FAM193A: variants seen among roughly 807,000 people sequenced by gnomAD.
The protein encoded by FAM193A is family with sequence similarity 193 member A.
Under a neutral mutation model 126.5 loss-of-function variants are expected in FAM193A, and 22 were observed. The ratio of observed to expected loss-of-function variants is 0.17; its 90% CI spans 0.12 to 0.25. The LOEUF (loss-of-function observed/expected upper bound fraction) is 0.25, where lower values mean the gene tolerates loss of function less well. Ranked by LOEUF, FAM193A falls within the 10% of genes least tolerant of loss-of-function variation. The pLI is 1.00. For missense variants in FAM193A, 1,675 were observed against 1,672.8 expected (o/e 1.00, Z -0.02); for synonymous variants, 761 against 646.8 (o/e 1.18, Z -2.68).
chr4:2,625,719 CTTTT>C (rs35220520), intron 3 of FAM193A, among the ~76,000 whole-genome samples: 1 of 79,302 alleles, frequency 1.3e-5, no homozygotes, highest in Non-Finnish European at 2.2e-5. Flanking sequence ...TGGAGCTCAT[CTTTT>C]TTTTTTTTTT....
At chr4:2,619,271 A>T (rs1361201761) in intron 2 of FAM193A, among the ~76,000 whole-genome samples, 2 of 151,778 alleles carry the variant, frequency 1.3e-5, no homozygotes, top group African/African-American at 4.8e-5. Context: ...CAGTTGTATC[A>T]TCTCTATTTT....
intron 2 of FAM193A, among the ~76,000 whole-genome samples, chr4:2,611,753 A>G (rs1741887813): frequency 6.6e-6 from 1 of 152,158 alleles, no homozygotes; most frequent in African/African-American, 2.4e-5. Flanking sequence ...GGCTTCACAA[A>G]CATTTTCTCT....
At chr4:2,654,904 A>C in intron 7 of FAM193A, 1 of 470,954 alleles carries the variant, frequency 2.1e-6, no homozygotes, top group Non-Finnish European at 3.8e-6. Flanking sequence ...ATGCCCTGTG[A>C]CCAGTCATCT....
intron 13 of FAM193A, among the ~76,000 whole-genome samples, chr4:2,687,890 G>A (rs1715919510): frequency 6.6e-6 from 1 of 152,278 alleles, no homozygotes; most frequent in East Asian, 1.9e-4. Context: ...GTGTAGCACT[G>A]TCATCCCTGT....
At position 2,731,873 on chromosome 4, in the gene FAM193A, G is replaced by A. The variant is rs1721433304; in HGVS notation, c.*5G>A. 3 of 1,607,286 alleles carry A rather than the reference G, an allele frequency of 1.9e-6. No homozygotes were observed. The highest frequency in any genetic ancestry group is 1.7e-5 in the Admixed American group (1 of 60,002). On this transcript the variant is annotated 3_prime_UTR_variant, in exon 21 of 21. Coordinates refer to ENST00000637812, the MANE Select transcript of FAM193A (RefSeq NM_001366318.2). ...GCCACCTTTGCTGCCCACTGAATGAGGACTCCCTGGAGAGGGACACGCGAG... is the reference window on the plus strand; with the variant it reads ...GCCACCTTTGCTGCCCACTGAATGAAGACTCCCTGGAGAGGGACACGCGAG...
At chr4:2,543,195 C>A (rs1037933600) in intron 1 of FAM193A, among the ~76,000 whole-genome samples, 3 of 151,868 alleles carry the variant, frequency 2.0e-5, no homozygotes, top group African/African-American at 7.3e-5. Context: ...TCAAGTGATT[C>A]TCCTGCCTCA....
intron 2 of FAM193A, among the ~76,000 whole-genome samples, chr4:2,608,782 A>G (rs1741690562): frequency 6.6e-6 from 1 of 152,130 alleles, no homozygotes; most frequent in Non-Finnish European, 1.5e-5. Context: ...CTGACTAAAC[A>G]AATCTTGCTC....
chr4:2,577,029 G>T (rs1042088564), intron 1 of FAM193A, among the ~76,000 whole-genome samples: 3 of 152,164 alleles, frequency 2.0e-5, no homozygotes, highest in Non-Finnish European at 4.4e-5. Flanking sequence ...TTTCTCACAG[G>T]TGTTCGTCTT....
At chr4:2,667,588 G>A (rs1447094511) in intron 12 of FAM193A, among the ~76,000 whole-genome samples, 1 of 152,084 alleles carries the variant, frequency 6.6e-6, no homozygotes, top group Non-Finnish European at 1.5e-5. Flanking sequence ...CTTAACGTCC[G>A]TTTTATTTGT....
intron 2 of FAM193A, among the ~76,000 whole-genome samples, chr4:2,614,220 A>C (rs914211985): frequency 6.6e-6 from 1 of 152,198 alleles, no homozygotes; most frequent in African/African-American, 2.4e-5. Context: ...GTGAGTAAGC[A>C]TCCTCTTGCT....
intron 1 of FAM193A, among the ~76,000 whole-genome samples, chr4:2,581,899 T>C (rs531145727): frequency 1.3e-5 from 2 of 152,190 alleles, no homozygotes; most frequent in Non-Finnish European, 2.9e-5. Context: ...GTGATCTGCC[T>C]GCCTCGGCCT....
At chr4:2,550,180 T>C (rs1018523710) in intron 1 of FAM193A, among the ~76,000 whole-genome samples, 5 of 150,512 alleles carry the variant, frequency 3.3e-5, no homozygotes, top group African/African-American at 1.2e-4. Flanking sequence ...GAGACTGTGG[T>C]GGTGCCAGGT....
intron 1 of FAM193A, among the ~76,000 whole-genome samples, chr4:2,584,995 A>G (rs926496383): frequency 6.6e-6 from 1 of 152,114 alleles, no homozygotes; most frequent in Non-Finnish European, 1.5e-5. Flanking sequence ...TTTGTACCTT[A>G]TATAAATGGA....
intron 2 of FAM193A, among the ~76,000 whole-genome samples, chr4:2,624,381 T>C (rs111967629): frequency 0.067 from 10,151 of 152,250 alleles, 589 homozygotes; most frequent in African/African-American, 0.15. Flanking sequence ...TGACCTCAGG[T>C]GATCCGCCTG....
chr4:2,585,216 G>A (rs1183984526), intron 1 of FAM193A, among the ~76,000 whole-genome samples: 2 of 152,176 alleles, frequency 1.3e-5, no homozygotes, highest in African/African-American at 2.4e-5. Context: ...GTGCATACAG[G>A]ACTTAATATG....
intron 13 of FAM193A, among the ~76,000 whole-genome samples, chr4:2,685,635 C>G (rs929804877): frequency 6.6e-6 from 1 of 152,194 alleles, no homozygotes; most frequent in Non-Finnish European, 1.5e-5. Flanking sequence ...CTTTTCGTTA[C>G]TGGGGATACA....
intron 1 of FAM193A, among the ~76,000 whole-genome samples, chr4:2,566,051 CTTT>C (rs564664549): frequency 7.0e-6 from 1 of 142,664 alleles, no homozygotes; most frequent in African/African-American, 2.6e-5. Context: ...TGGAAAATTG[CTTT>C]TTTTTTTTTT....
At chr4:2,597,431 C>T (rs560720275) in intron 2 of FAM193A, among the ~76,000 whole-genome samples, 9 of 152,174 alleles carry the variant, frequency 5.9e-5, no homozygotes, top group East Asian at 1.9e-4. Context: ...GCTCTTCTTC[C>T]GACTCCAGCC....
At chr4:2,654,378 ATTTTTTTTTTT>A (rs372926172) in intron 7 of FAM193A, 1 of 114,588 alleles carries the variant, frequency 8.7e-6, no homozygotes, top group Non-Finnish European at 1.7e-5. Context: ...TGCCTGGCTA[ATTTTTTTTTTT>A]TTTTTTTTTT....
Sources: allele counts gnomAD v4.1 joint callset (sites outside exome capture counted in the v4.1 genomes callset), GRCh38; gene constraint gnomAD v4.1.1; transcripts MANE v1.5; gene names NCBI Gene and HGNC (gene_info 2026-07-23, HGNC 2026-07-21).